The following HDAC9 variants were observed in gnomAD, a reference collection of about 807,000 sequenced individuals.
The protein encoded by HDAC9 is histone deacetylase 9.
Under a neutral mutation model 139.4 loss-of-function variants are expected in HDAC9, and 41 were observed. The observed-to-expected ratio is 0.29, with a 90% CI of 0.23 to 0.38. The LOEUF is 0.38. HDAC9 is among the 10% of genes least tolerant of loss of function. The pLI, the probability that HDAC9 is intolerant of heterozygous loss-of-function variation, is 1.00. For synonymous variants in HDAC9, 517 were observed against 476.2 expected, an observed-to-expected ratio of 1.09 and a Z score of -1.12; for missense variants, 1,147 against 1,297.0, an observed-to-expected ratio of 0.88 and a Z score of 1.78.
intron 22 of HDAC9, among the ~76,000 whole-genome samples, chr7:18,888,012 G>C (rs1800318803): frequency 6.6e-6 from 1 of 152,172 alleles, no homozygotes; most frequent in African/African-American, 2.4e-5. Context: ...CAGACCAAGA[G>C]TAACTTTTAT....
intron 1 of HDAC9, among the ~76,000 whole-genome samples, chr7:18,369,429 A>T (rs894218998): frequency 1.3e-5 from 2 of 151,938 alleles, no homozygotes; most frequent in African/African-American, 4.8e-5. Context: ...TTGCAGATCT[A>T]TTCTCTGTTT....
Position 18,586,612 on chromosome 7 carries a change from A to G in HDAC9, c.264+1090A>G, listed in dbSNP as rs3807908. On this transcript the variant is annotated intron_variant, in intron 3 of 25. Coordinates refer to ENST00000686413, the MANE Select transcript of HDAC9 (RefSeq NM_178425.4). The stretch of plus-strand genomic sequence containing the variant: ...CAGTTTCTAAGGAAGTAAAAATGCT[A>G]TCTTCTTCTCTATATTACTTGGTTT... Among the ~76,000 whole-genome samples, 26 of 152,210 alleles carry G rather than the reference A, an allele frequency of 1.7e-4. No individual in the cohort carries two copies. In the East Asian group the frequency reaches 4.8e-3, roughly 28 times the overall value.
chr7:18,985,277 T>A (rs1460263611), intron 25 of HDAC9, among the ~76,000 whole-genome samples: 2 of 151,100 alleles, frequency 1.3e-5, no homozygotes, highest in African/African-American at 4.9e-5. Context: ...TGTCCATGTG[T>A]TCTCATTGTT....
chr7:18,605,639 G>A (rs770454074), intron 6 of HDAC9, among the ~76,000 whole-genome samples: 6 of 152,060 alleles, frequency 3.9e-5, no homozygotes, highest in Admixed American at 1.3e-4. Context: ...TAAAACCCAT[G>A]AAAATGTAGG....
At chr7:18,147,120 A>G (rs1786398987) in intron 1 of HDAC9, among the ~76,000 whole-genome samples, 1 of 152,152 alleles carries the variant, frequency 6.6e-6, no homozygotes, top group Non-Finnish European at 1.5e-5. Flanking sequence ...TCCTAAATGA[A>G]TCATCTCCCT....
At chr7:18,113,224 T>C (rs184712616) in intron 1 of HDAC9, among the ~76,000 whole-genome samples, 2 of 152,288 alleles carry the variant, frequency 1.3e-5, no homozygotes, top group African/African-American at 4.8e-5. Flanking sequence ...CTCAGAAAGA[T>C]ATCAGTTAAT....
intron 1 of HDAC9, among the ~76,000 whole-genome samples, chr7:18,158,165 A>G (rs1445879717): frequency 6.6e-6 from 1 of 152,096 alleles, no homozygotes; most frequent in Non-Finnish European, 1.5e-5. Context: ...ATCCAAAATA[A>G]TACTAATTAC....
At chr7:18,985,265 T>C (rs1461504072) in intron 25 of HDAC9, among the ~76,000 whole-genome samples, 1 of 151,376 alleles carries the variant, frequency 6.6e-6, no homozygotes, top group Non-Finnish European at 1.5e-5. Flanking sequence ...TTCCCCTTCC[T>C]GTGTCCATGT....
At chr7:18,860,638 A>G (rs1216318636) in intron 21 of HDAC9, among the ~76,000 whole-genome samples, 2 of 152,114 alleles carry the variant, frequency 1.3e-5, no homozygotes, top group African/African-American at 4.8e-5. Context: ...AAATTGGGCT[A>G]AAAGAGGATA....
intron 1 of HDAC9, among the ~76,000 whole-genome samples, chr7:18,357,542 A>G (rs1168404453): frequency 1.3e-5 from 2 of 152,206 alleles, no homozygotes; most frequent in Non-Finnish European, 2.9e-5. Flanking sequence ...GGAGACAGAC[A>G]AAACAGTATA....
intron 2 of HDAC9, among the ~76,000 whole-genome samples, chr7:18,249,506 A>G (rs1015157451): frequency 0.01 from 889 of 87,962 alleles, 3 homozygotes; most frequent in Non-Finnish European, 0.016. Context: ...CTGTCTCAAA[A>G]AAAAAAAAAA....
At chr7:18,904,732 C>G (rs936690069) in intron 22 of HDAC9, among the ~76,000 whole-genome samples, 2 of 151,724 alleles carry the variant, frequency 1.3e-5, no homozygotes, top group Non-Finnish European at 1.5e-5. Context: ...ACCGCCACCA[C>G]GCCCGGCTAA....
At chr7:18,365,639 CT>C (rs55696827) in intron 1 of HDAC9, among the ~76,000 whole-genome samples, 3 of 148,710 alleles carry the variant, frequency 2.0e-5, no homozygotes, top group African/African-American at 7.3e-5. Context: ...GTCTTTATGA[CT>C]TTTTTTTTTA....
At position 18,558,516 on chromosome 7, in the gene HDAC9, A is replaced by G. The variant is rs146301913; in HGVS notation, c.23-26765A>G. Among the ~76,000 whole-genome samples, 76 of 152,270 alleles carry G rather than the reference A, an allele frequency of 5.0e-4. No individual in the cohort carries two copies. In the East Asian group the frequency reaches 0.014, roughly 29 times the overall value. On this transcript the variant is annotated intron_variant, in intron 2 of 25. Coordinates refer to ENST00000686413, the MANE Select transcript of HDAC9 (RefSeq NM_178425.4). ...AAACTCAGGTTGTGCTTAGCCTAAC[A>G]TACTTGGTTCTGATAATGCTTGGTT...
chr7:18,812,694 C>A (rs1794269476), intron 17 of HDAC9, among the ~76,000 whole-genome samples: 1 of 151,624 alleles, frequency 6.6e-6, no homozygotes, highest in South Asian at 2.1e-4. Flanking sequence ...TTTTTAATAA[C>A]AATTGGAGGA....
chr7:18,676,580 A>C (rs926187199), intron 12 of HDAC9, among the ~76,000 whole-genome samples: 1 of 151,990 alleles, frequency 6.6e-6, no homozygotes, highest in Admixed American at 6.6e-5. Context: ...TTTTTAAAAA[A>C]CTTAAACTTT....
chr7:18,207,537 G>GTTTTTTTTTTTTTTTTT (rs1407397522), intron 2 of HDAC9, among the ~76,000 whole-genome samples: 2 of 5,616 alleles, frequency 3.6e-4, no homozygotes, highest in African/African-American at 1.6e-3. Flanking sequence ...TGCCCAAGGA[G>GTTTTTTTTTTTTTTTTT]TCTTTTTTTT....
chr7:18,685,953 A>G (rs1208423074), intron 12 of HDAC9, among the ~76,000 whole-genome samples: 2 of 152,020 alleles, frequency 1.3e-5, no homozygotes, highest in Non-Finnish European at 2.9e-5. Flanking sequence ...AAGCTAATTA[A>G]TTGCCAAACA....
At chr7:18,228,492 C>A (rs968957879) in intron 2 of HDAC9, among the ~76,000 whole-genome samples, 4 of 152,094 alleles carry the variant, frequency 2.6e-5, no homozygotes, top group African/African-American at 9.7e-5. Context: ...TAGCAATATT[C>A]TAGAGAAAAA....
Sources: allele counts gnomAD v4.1 joint callset (sites outside exome capture counted in the v4.1 genomes callset), GRCh38; gene constraint gnomAD v4.1.1; transcripts MANE v1.5; gene names NCBI Gene and HGNC (gene_info 2026-07-23, HGNC 2026-07-21).